The following DLGAP2 variants were observed in gnomAD, a reference collection of about 807,000 sequenced individuals.
DLGAP2 encodes DLG associated protein 2.
In DLGAP2, 26 loss-of-function variants were observed where a neutral mutation model predicts 100.3. The observed-to-expected ratio is 0.26, with a 90% CI of 0.19 to 0.36. The LOEUF (loss-of-function observed/expected upper bound fraction) is 0.36. DLGAP2 is among the 10% of genes least tolerant of loss of function. DLGAP2 has a pLI of 1.00. For missense variants in DLGAP2, 1,858 were observed against 1,453.2 expected (o/e 1.28, Z -4.53); for synonymous variants, 886 against 630.1 (o/e 1.41, Z -6.08).
intron 12 of DLGAP2, among the ~76,000 whole-genome samples, chr8:1,689,762 G>T (rs1432834782): frequency 6.6e-6 from 1 of 152,202 alleles, no homozygotes. Flanking sequence ...ATGGGGAGAC[G>T]TGGTGTGAAC....
intron 3 of DLGAP2, among the ~76,000 whole-genome samples, chr8:1,331,375 C>T (rs557909618): frequency 2.6e-5 from 4 of 152,114 alleles, no homozygotes; most frequent in African/African-American, 9.7e-5. Context: ...GTGGGCAGGT[C>T]GCTGGCCTTT....
At chr8:842,102 C>A (rs1204010370) in intron 1 of DLGAP2, among the ~76,000 whole-genome samples, 1 of 152,200 alleles carries the variant, frequency 6.6e-6, no homozygotes, top group Non-Finnish European at 1.5e-5. Context: ...CCATTAAATT[C>A]TGCATTCTTT....
intron 2 of DLGAP2, among the ~76,000 whole-genome samples, chr8:1,239,742 G>A (rs1439529975): frequency 1.8e-5 from 1 of 55,562 alleles, no homozygotes; most frequent in African/African-American, 8.9e-5. Context: ...ACATGGCGCC[G>A]TGTCTAGTTC....
Position 1,449,571 on chromosome 8 carries a change from C to T in DLGAP2, c.107-51795C>T, listed in dbSNP as rs573888707. 6.5e-4 allele frequency among the ~76,000 whole-genome samples: 99 copies of T among 152,296 alleles called. No homozygotes were observed. The Middle Eastern group carries it at 0.027, about 42-fold the overall frequency. On this transcript the variant is annotated intron_variant, in intron 3 of 14. Transcript: ENST00000637795. ...CCACTGAGTCCTGTCTGCACCCAGA[C>T]CCCGTTCCTGAGCTCCAGGGTGGGC...
chr8:778,558 C>T (rs1299054865), intron 1 of DLGAP2, among the ~76,000 whole-genome samples: 2 of 152,198 alleles, frequency 1.3e-5, no homozygotes, highest in African/African-American at 2.4e-5. Flanking sequence ...TAGTTTTCCT[C>T]CTAACGGACA....
chr8:1,565,937 C>T, intron 6 of DLGAP2, 43 bp downstream of exon 6: 3 of 1,512,372 alleles, frequency 2.0e-6, no homozygotes, highest in South Asian at 1.3e-5. Flanking sequence ...CACTTTCCCA[C>T]TGCCTGCGAG....
intron 2 of DLGAP2, among the ~76,000 whole-genome samples, chr8:1,101,153 G>A (rs977710044): frequency 3.9e-5 from 6 of 152,208 alleles, no homozygotes; most frequent in Admixed American, 1.3e-4. Flanking sequence ...CATGGCAGAC[G>A]CAAATGTTAA....
chr8:1,575,198 C>G (rs1802915419), intron 6 of DLGAP2, among the ~76,000 whole-genome samples: 1 of 152,172 alleles, frequency 6.6e-6, no homozygotes, highest in Non-Finnish European at 1.5e-5. Context: ...GAGGTTGACT[C>G]TGTGACTTGG....
At chr8:1,680,039 T>TTTGA (rs978531725) in intron 12 of DLGAP2, among the ~76,000 whole-genome samples, 6 of 151,312 alleles carry the variant, frequency 4.0e-5, no homozygotes, top group African/African-American at 1.2e-4. Flanking sequence ...AATTGCTGTA[T>TTTGA]TTGATTGACT....
chr8:1,700,719 C>T (rs1248134754), intron 14 of DLGAP2, among the ~76,000 whole-genome samples: 1 of 152,166 alleles, frequency 6.6e-6, no homozygotes, highest in Non-Finnish European at 1.5e-5. Flanking sequence ...CACACCCATT[C>T]ACGTAAGATG....
intron 6 of DLGAP2, among the ~76,000 whole-genome samples, chr8:1,579,235 T>C (rs991079327): frequency 6.6e-6 from 1 of 152,134 alleles, no homozygotes; most frequent in African/African-American, 2.4e-5. Flanking sequence ...AAAAAGAGCT[T>C]ATTTCAAAGA....
chr8:1,318,562 T>G (rs562310964), intron 3 of DLGAP2, among the ~76,000 whole-genome samples: 1 of 151,590 alleles, frequency 6.6e-6, no homozygotes, highest in Admixed American at 6.6e-5. Flanking sequence ...CAGGGCCGGT[T>G]CGTTACCTCC....
At chr8:1,667,254 G>A (rs1229035140) in intron 8 of DLGAP2, among the ~76,000 whole-genome samples, 1 of 152,236 alleles carries the variant, frequency 6.6e-6, no homozygotes, top group Non-Finnish European at 1.5e-5. Flanking sequence ...TATAGCCTGA[G>A]TCCAGGCCAA....
At chr8:1,349,574 GTTTGAGGGAGACTA>G (rs1801656911) in intron 3 of DLGAP2, among the ~76,000 whole-genome samples, 2 of 77,126 alleles carry the variant, frequency 2.6e-5, no homozygotes, top group Non-Finnish European at 5.4e-5. Context: ...AGGAAGGGGT[GTTTGAGGGAGACTA>G]TCATGAGCCT....
intron 1 of DLGAP2, among the ~76,000 whole-genome samples, chr8:785,970 C>T (rs1402071082): frequency 1.3e-5 from 2 of 152,216 alleles, no homozygotes; most frequent in African/African-American, 4.8e-5. Flanking sequence ...GGCGATATCA[C>T]GTACCCCGTG....
chr8:766,841 T>C (rs1387578903), intron 1 of DLGAP2, among the ~76,000 whole-genome samples: 1 of 152,160 alleles, frequency 6.6e-6, no homozygotes, highest in African/African-American at 2.4e-5. Flanking sequence ...GTCTAAGAGC[T>C]GCTTATTCTT....
At chr8:1,076,436 G>C (rs1410211154) in intron 2 of DLGAP2, among the ~76,000 whole-genome samples, 1 of 152,214 alleles carries the variant, frequency 6.6e-6, no homozygotes, top group African/African-American at 2.4e-5. Context: ...AGTCGGATGG[G>C]TTAGAGGGCA....
At chr8:1,367,757 G>C (rs1467836801) in intron 3 of DLGAP2, among the ~76,000 whole-genome samples, 1 of 152,208 alleles carries the variant, frequency 6.6e-6, no homozygotes, top group Non-Finnish European at 1.5e-5. Context: ...CTTCACTGCA[G>C]TTCAGAAAAT....
intron 3 of DLGAP2, among the ~76,000 whole-genome samples, chr8:1,390,753 G>A (rs1035139790): frequency 3.9e-5 from 6 of 152,180 alleles, no homozygotes; most frequent in Admixed American, 2.0e-4. Flanking sequence ...GAATACTGCA[G>A]GTGGATTTCA....
Sources: gnomAD v4.1 joint callset for allele counts (sites outside exome capture counted in the v4.1 genomes callset) on GRCh38, gnomAD v4.1.1 for gene constraint, MANE v1.5 for transcripts, NCBI Gene and HGNC (gene_info 2026-07-23, HGNC 2026-07-21) for gene names.